ULK4: variants seen among roughly 807,000 people sequenced by gnomAD.
ULK4 encodes inactive serine/threonine-protein kinase ULK4.
Under a neutral mutation model 160.6 loss-of-function variants are expected in ULK4, and 133 were observed. The observed-to-expected ratio is 0.83, with a 90% CI of 0.72 to 0.96. The LOEUF (loss-of-function observed/expected upper bound fraction) is 0.96, where lower values mean the gene tolerates loss of function less well. Ranked by LOEUF, ULK4 falls within the 40% of genes least tolerant of loss-of-function variation. ULK4 has a pLI of 0.00. For missense variants in ULK4, 1,580 were observed against 1,499.5 expected (o/e 1.05, Z -0.89); for synonymous variants, 534 against 539.8 (o/e 0.99, Z 0.15).
chr3:41,732,983 A>T (rs542007560), intron 22 of ULK4, among the ~76,000 whole-genome samples: 1 of 152,140 alleles, frequency 6.6e-6, no homozygotes, highest in African/African-American at 2.4e-5. Context: ...GAGGACAGGG[A>T]AAGTTTGTAC....
chr3:41,714,575 A>G (rs555386809), intron 25 of ULK4, among the ~76,000 whole-genome samples: 2 of 152,304 alleles, frequency 1.3e-5, no homozygotes, highest in African/African-American at 2.4e-5. Flanking sequence ...TACTACTAGC[A>G]AGGGAAAAAG....
intron 22 of ULK4, among the ~76,000 whole-genome samples, chr3:41,725,577 T>C (rs909299046): frequency 5.3e-5 from 8 of 152,182 alleles, no homozygotes; most frequent in African/African-American, 1.7e-4. Flanking sequence ...ATAGTTCTAG[T>C]TCTCCACTGA....
At chr3:41,840,247 A>G (rs1391952786) in intron 17 of ULK4, among the ~76,000 whole-genome samples, 1 of 152,188 alleles carries the variant, frequency 6.6e-6, no homozygotes, top group Non-Finnish European at 1.5e-5. Flanking sequence ...TGGACAACAA[A>G]GCAAGACCCT....
chr3:41,822,883 G>A (rs1056691432), intron 18 of ULK4, among the ~76,000 whole-genome samples: 42 of 151,552 alleles, frequency 2.8e-4, no homozygotes, highest in Admixed American at 1.3e-3. Flanking sequence ...CACCACACCC[G>A]GCTAATTTTT....
intron 34 of ULK4, among the ~76,000 whole-genome samples, chr3:41,412,977 T>C (rs893432870): frequency 6.6e-6 from 1 of 152,198 alleles, no homozygotes; most frequent in Non-Finnish European, 1.5e-5. Context: ...AGTAGTCTGT[T>C]CTCACATTAC....
intron 5 of ULK4, among the ~76,000 whole-genome samples, chr3:41,931,530 T>A (rs144073523): frequency 2.0e-5 from 3 of 149,772 alleles, no homozygotes; most frequent in Non-Finnish European, 3.0e-5. Context: ...TTCACTCAAC[T>A]AATTTCTATT....
chr3:41,506,767 A>AAAAAAATATATATATAAAT lies in ULK4; in HGVS notation c.3227-43515_3227-43514insATTTATATATATATTTTTT. 1.8e-4 allele frequency among the ~76,000 whole-genome samples: 10 copies of AAAAAAATATATATATAAAT among 56,794 alleles called. 1 individual carries two copies. Among genetic ancestry groups the AAAAAAATATATATATAAAT allele is most frequent in the Admixed American group, 4.3e-4 (2 of 4,640 alleles). The allele number at this position is 56,794 out of a possible 152,430, so 37.3% of individuals were successfully genotyped here. ...AGCAATACACTGGAGTGTGATTTAA[A>AAAAAAATATATATATAAAT]ATATATATATATATATATATATATA... On this transcript the variant is annotated intron_variant, in intron 32 of 36. Transcript: ENST00000301831.
chr3:41,901,169 CTTCTTTT>C (rs1404234190), intron 12 of ULK4, among the ~76,000 whole-genome samples: 2 of 95,742 alleles, frequency 2.1e-5, no homozygotes, highest in African/African-American at 3.1e-5. Context: ...AACAGCATGG[CTTCTTTT>C]TTTTTTTTTT....
In ULK4 at chr3:41,896,758, GCA is replaced by G. The variant is rs1410586342; in HGVS notation, c.1530+62_1530+63del. On this transcript the variant is annotated intron_variant, in intron 15 of 36. Transcript: ENST00000301831. Reference sequence around the variant, plus strand: ...GTAGTTAAATCAAATTGTTATTTTAGCACTTGTTTGAGCCTCTATAAAAACAC... The same window carrying G: ...GTAGTTAAATCAAATTGTTATTTTAGCTTGTTTGAGCCTCTATAAAAACAC... 4 of 1,472,898 alleles carry G rather than the reference GCA, an allele frequency of 2.7e-6. No individual in the cohort carries two copies. The East Asian group carries it at 9.2e-5, about 34-fold the overall frequency. 91.2% of individuals were successfully genotyped at this position (1,472,898 alleles called of 1,614,324 possible).
intron 34 of ULK4, among the ~76,000 whole-genome samples, chr3:41,414,200 T>A (rs921564989): frequency 1.3e-5 from 2 of 152,084 alleles, no homozygotes; most frequent in African/African-American, 4.8e-5. Flanking sequence ...AAATTCCATC[T>A]CAAAAACAAA....
chr3:41,282,099 G>A (rs1304488186), intron 35 of ULK4, among the ~76,000 whole-genome samples: 6 of 152,150 alleles, frequency 3.9e-5, no homozygotes, highest in Non-Finnish European at 8.8e-5. Flanking sequence ...TACAAAGGAT[G>A]TCAAGGACCT....
At chr3:41,304,509 G>C (rs1018803228) in intron 35 of ULK4, among the ~76,000 whole-genome samples, 1 of 152,148 alleles carries the variant, frequency 6.6e-6, no homozygotes, top group Non-Finnish European at 1.5e-5. Context: ...GTAACACTTA[G>C]GTTCTTAGTT....
At chr3:41,371,168 C>T (rs545766754) in intron 35 of ULK4, among the ~76,000 whole-genome samples, 123 of 152,290 alleles carry the variant, frequency 8.1e-4, no homozygotes, top group African/African-American at 2.8e-3. Context: ...GATCAAACTC[C>T]CATCTCCCTA....
chr3:41,592,872 A>G (rs1473175888), intron 31 of ULK4, among the ~76,000 whole-genome samples: 1 of 152,136 alleles, frequency 6.6e-6, no homozygotes, highest in African/African-American at 2.4e-5. Flanking sequence ...ATGTTGTGAA[A>G]TATCTGTGTG....
intron 22 of ULK4, among the ~76,000 whole-genome samples, chr3:41,718,666 A>C (rs1368303301): frequency 6.6e-6 from 1 of 152,204 alleles, no homozygotes; most frequent in Non-Finnish European, 1.5e-5. Context: ...CTCCCTGGTT[A>C]CCATCATCCA....
intron 34 of ULK4, among the ~76,000 whole-genome samples, chr3:41,418,971 T>C (rs2082595346): frequency 6.6e-6 from 1 of 152,088 alleles, no homozygotes; most frequent in Admixed American, 6.6e-5. Flanking sequence ...CCTATGCAAG[T>C]GAGGGAAGGA....
chr3:41,867,868 G>T (rs1345658059), intron 17 of ULK4, among the ~76,000 whole-genome samples: 1 of 152,186 alleles, frequency 6.6e-6, no homozygotes, highest in Non-Finnish European at 1.5e-5. Context: ...AAATTTGTGA[G>T]ATTTTATTGA....
At chr3:41,573,607 C>G (rs769039556) in intron 31 of ULK4, among the ~76,000 whole-genome samples, 6 of 152,192 alleles carry the variant, frequency 3.9e-5, no homozygotes, top group Non-Finnish European at 7.3e-5. Context: ...TGAGAAACCA[C>G]AGAGAGAATA....
chr3:41,414,905 T>C (rs1005906526), intron 34 of ULK4, among the ~76,000 whole-genome samples: 8 of 152,190 alleles, frequency 5.3e-5, no homozygotes, highest in African/African-American at 1.4e-4. Context: ...TGTGGGAATT[T>C]AGAAGGCAGA....
Sources: gnomAD v4.1 joint callset for allele counts (sites outside exome capture counted in the v4.1 genomes callset) on GRCh38, gnomAD v4.1.1 for gene constraint, MANE v1.5 for transcripts, NCBI Gene and HGNC (gene_info 2026-07-23, HGNC 2026-07-21) for gene names.